The following FBN2 variants were observed in gnomAD, a reference collection of about 807,000 sequenced individuals.
FBN2 encodes fibrillin-2.
FBN2 carries 105 observed loss-of-function variants against 355.6 expected under a neutral mutation model. That is an observed-to-expected ratio of 0.30 (90% confidence interval 0.25 to 0.35). FBN2 has a LOEUF of 0.35. FBN2 is among the 10% of genes least tolerant of loss of function. The pLI is 1.00. For synonymous variants in FBN2, 1,350 were observed against 1,301.2 expected, an observed-to-expected ratio of 1.04 and a Z score of -0.81; for missense variants, 3,280 against 3,758.7, an observed-to-expected ratio of 0.87 and a Z score of 3.33.
chr5:128,294,599 C>A (rs1262405509), intron 48 of FBN2, among the ~76,000 whole-genome samples: 1 of 148,162 alleles, frequency 6.7e-6, no homozygotes, highest in East Asian at 2.0e-4. Flanking sequence ...TGATGGTGAG[C>A]ATTTTTTCAT....
intron 5 of FBN2, among the ~76,000 whole-genome samples, chr5:128,515,249 A>G (rs1756250123): frequency 6.6e-6 from 1 of 152,218 alleles, no homozygotes; most frequent in Non-Finnish European, 1.5e-5. Flanking sequence ...GTGAATAAAT[A>G]AAAATGTATA....
intron 7 of FBN2, among the ~76,000 whole-genome samples, chr5:128,416,694 C>T (rs554505821): frequency 6.6e-5 from 10 of 152,162 alleles, no homozygotes; most frequent in Admixed American, 5.9e-4. Context: ...GTTTTGGCAC[C>T]TTTGGTGAAA....
intron 36 of FBN2, among the ~76,000 whole-genome samples, chr5:128,313,852 C>CA (rs70997367): frequency 0.56 from 26,982 of 47,838 alleles, 7,996 homozygotes; most frequent in Non-Finnish European, 0.61. Flanking sequence ...GACTCTGTCT[C>CA]AAAAAAAAAA....
In FBN2 at chr5:128,366,454, G is replaced by T. The variant is rs199648293; in HGVS notation, c.2249-24C>A. On this transcript the variant is annotated intron_variant, in intron 16 of 64. Coordinates refer to ENST00000262464, the MANE Select transcript of FBN2 (RefSeq NM_001999.4). ...AGCTGTATGACAAAAAGAAATAGAA[G>T]AATTAAAAACTTAACTATACCTATT... is the stretch of plus-strand genomic sequence containing the variant. The T allele has an allele frequency of 5.4e-5, 83 of 1,546,660 alleles. No homozygotes were observed. In the African/African-American group the frequency reaches 1.1e-3, roughly 20 times the overall value.
chr5:128,294,299 C>T (rs1749432092), intron 48 of FBN2, among the ~76,000 whole-genome samples: 1 of 151,798 alleles, frequency 6.6e-6, no homozygotes, highest in African/African-American at 2.4e-5. Flanking sequence ...AATAAACATA[C>T]GTGTGCATGT....
At chr5:128,372,616 C>T (rs925237102) in intron 15 of FBN2, among the ~76,000 whole-genome samples, 3 of 152,084 alleles carry the variant, frequency 2.0e-5, no homozygotes, top group African/African-American at 4.8e-5. Flanking sequence ...CTCAGCCTCC[C>T]AAGTAGCTGG....
intron 1 of FBN2, 58 bp from the exon 2 acceptor site, chr5:128,536,542 A>AAC (rs759052350): frequency 8.5e-5 from 108 of 1,271,300 alleles, no homozygotes; most frequent in Non-Finnish European, 1.2e-4. Flanking sequence ...GCAACATATA[A>AAC]ACGGTCTTCG....
chr5:128,298,147 G>A (rs1367804490), intron 48 of FBN2, among the ~76,000 whole-genome samples: 14 of 151,840 alleles, frequency 9.2e-5, no homozygotes, highest in Middle Eastern at 3.4e-3. Context: ...TTTTCTTTAA[G>A]AATGTTGAAT....
intron 62 of FBN2, among the ~76,000 whole-genome samples, chr5:128,265,676 G>A (rs1416299505): frequency 1.3e-5 from 2 of 152,128 alleles, no homozygotes; most frequent in African/African-American, 4.8e-5. Flanking sequence ...TAATTCTAAT[G>A]CTTACAAATA....
chr5:128,466,712 A>C (rs1754722593), intron 5 of FBN2, among the ~76,000 whole-genome samples: 1 of 152,216 alleles, frequency 6.6e-6, no homozygotes, highest in Non-Finnish European at 1.5e-5. Context: ...CTGAACTTCA[A>C]CAAAAATAGC....
chr5:128,511,362 T>A (rs966988255), intron 5 of FBN2, among the ~76,000 whole-genome samples: 2 of 152,156 alleles, frequency 1.3e-5, no homozygotes, highest in African/African-American at 4.8e-5. Context: ...TAAATTAAGG[T>A]CTGTGTCTAT....
At chr5:128,297,647 T>TA (rs1749563468) in intron 48 of FBN2, among the ~76,000 whole-genome samples, 1 of 152,218 alleles carries the variant, frequency 6.6e-6, no homozygotes, top group Non-Finnish European at 1.5e-5. Flanking sequence ...TATCAGAGAC[T>TA]AGGATTGCAA....
intron 39 of FBN2, among the ~76,000 whole-genome samples, chr5:128,310,857 C>A (rs364671): frequency 0.79 from 120,531 of 151,932 alleles, 48,057 homozygotes; most frequent in East Asian, 0.93. Flanking sequence ...ACCATGTGAT[C>A]AAGTGGGGGG....
At chr5:128,353,697 GTATTAATT>G (rs1751427813) in intron 20 of FBN2, among the ~76,000 whole-genome samples, 1 of 152,306 alleles carries the variant, frequency 6.6e-6, no homozygotes, top group Non-Finnish European at 1.5e-5. Flanking sequence ...GGCTTTCTAT[GTATTAATT>G]TATTTACTCA....
At chr5:128,385,237 G>A (rs1218912835) in intron 11 of FBN2, among the ~76,000 whole-genome samples, 1 of 152,042 alleles carries the variant, frequency 6.6e-6, no homozygotes, top group Admixed American at 6.6e-5. Flanking sequence ...GTAGGCCCTA[G>A]TGTCTCTTGT....
At chr5:128,304,025 C>T (rs943672439) in intron 45 of FBN2, among the ~76,000 whole-genome samples, 1 of 152,100 alleles carries the variant, frequency 6.6e-6, no homozygotes, top group Non-Finnish European at 1.5e-5. Context: ...ATGGATGAAC[C>T]TGGAGACATA....
chr5:128,304,751 C>G (rs894587664), intron 45 of FBN2, among the ~76,000 whole-genome samples: 1 of 151,656 alleles, frequency 6.6e-6, no homozygotes, highest in East Asian at 1.9e-4. Context: ...CGCAGTATGT[C>G]CCTGCTTGCA....
chr5:128,388,426 A>G (rs902229618), intron 11 of FBN2, among the ~76,000 whole-genome samples: 4 of 152,208 alleles, frequency 2.6e-5, no homozygotes, highest in African/African-American at 9.6e-5. Flanking sequence ...TAGTTGCTTT[A>G]CAGTGTCAAT....
intron 32 of FBN2, among the ~76,000 whole-genome samples, chr5:128,331,749 T>C (rs1581221367): frequency 6.6e-6 from 1 of 151,842 alleles, no homozygotes. Context: ...GGAAAGAAGA[T>C]GTAAAGGAGA....
Sources: allele counts gnomAD v4.1 joint callset (sites outside exome capture counted in the v4.1 genomes callset), GRCh38; gene constraint gnomAD v4.1.1; transcripts MANE v1.5; gene names NCBI Gene and HGNC (gene_info 2026-07-23, HGNC 2026-07-21).